Variants in MLLT10 observed in about 807,000 individuals in gnomAD.
MLLT10 encodes the protein protein AF-10.
Under a neutral mutation model 129.1 loss-of-function variants are expected in MLLT10, and 30 were observed. The ratio of observed to expected loss-of-function variants is 0.23; its 90% CI spans 0.17 to 0.32. MLLT10 has a LOEUF of 0.32. MLLT10 is among the 10% of genes least tolerant of loss of function. The probability of loss-of-function intolerance (pLI) is 1.00; values close to 1 mark genes in which losing one functional copy is unlikely to be tolerated. For missense variants in MLLT10, 1,119 were observed against 1,268.3 expected (o/e 0.88, Z 1.79); for synonymous variants, 490 against 446.4 (o/e 1.10, Z -1.23).
chr10:21,737,887 A>AAT, intron 21 of MLLT10, among the ~76,000 whole-genome samples: 1 of 152,334 alleles, frequency 6.6e-6, no homozygotes, highest in East Asian at 1.9e-4. Flanking sequence ...TGCAGTCAAA[A>AAT]ATATATTGAA....
At chr10:21,678,928 A>G (rs2052464697) in intron 11 of MLLT10, among the ~76,000 whole-genome samples, 1 of 152,226 alleles carries the variant, frequency 6.6e-6, no homozygotes, top group Non-Finnish European at 1.5e-5. Context: ...AAGCAGGAGT[A>G]GAGTCAGGTT....
chr10:21,630,296 T>C (rs1031085463), intron 8 of MLLT10, among the ~76,000 whole-genome samples: 2 of 152,216 alleles, frequency 1.3e-5, no homozygotes, highest in Non-Finnish European at 2.9e-5. Flanking sequence ...TATTGGAGCA[T>C]GGGCCTAGAG....
intron 8 of MLLT10, among the ~76,000 whole-genome samples, chr10:21,627,273 C>T (rs2046551857): frequency 6.6e-6 from 1 of 152,102 alleles, no homozygotes; most frequent in Admixed American, 6.6e-5. Context: ...AATAACAATG[C>T]CTCTTTAGCC....
rs538816331 is a variant in MLLT10 at position 21,543,925 on chromosome 10, C to CT, written c.240+5019dup. On this transcript the variant is annotated intron_variant, in intron 3 of 22. Transcript: ENST00000307729. ...AGGGAATTGAATTAGTCTTATGAATCTTTTTTCTACTTTTGTCTGCATGCC... is the reference window on the plus strand; with the variant it reads ...AGGGAATTGAATTAGTCTTATGAATCTTTTTTTCTACTTTTGTCTGCATGCC... Among the ~76,000 whole-genome samples, 12 of 152,268 alleles carry CT rather than the reference C, an allele frequency of 7.9e-5. No individual in the cohort carries two copies. The South Asian group carries it at 2.5e-3, about 32-fold the overall frequency.
chr10:21,622,058 TAAC>T (rs2045915486), intron 8 of MLLT10, among the ~76,000 whole-genome samples: 2 of 152,174 alleles, frequency 1.3e-5, no homozygotes, highest in South Asian at 4.1e-4. Flanking sequence ...GGTTAGGTAC[TAAC>T]TGTAGTGCGA....
intron 8 of MLLT10, among the ~76,000 whole-genome samples, chr10:21,619,969 G>A (rs1038903895): frequency 1.3e-4 from 18 of 143,558 alleles, no homozygotes; most frequent in Middle Eastern, 3.7e-3. Context: ...CTGGAGTGTC[G>A]CCCAGGCTGG....
chr10:21,641,992 C>CT (rs1429162239), intron 8 of MLLT10, among the ~76,000 whole-genome samples: 1 of 152,160 alleles, frequency 6.6e-6, no homozygotes, highest in Non-Finnish European at 1.5e-5. Flanking sequence ...GGATCATGGT[C>CT]TAACACTTGA....
At chr10:21,591,038 TTTTTTG>T (rs941788261) in intron 4 of MLLT10, among the ~76,000 whole-genome samples, 17 of 152,226 alleles carry the variant, frequency 1.1e-4, no homozygotes, top group South Asian at 4.2e-4. Context: ...CAAGTTGTGT[TTTTTTG>T]TTTTTGTTTT....
chr10:21,712,075 G>C (rs111354343), intron 13 of MLLT10, among the ~76,000 whole-genome samples: 2 of 152,140 alleles, frequency 1.3e-5, no homozygotes, highest in African/African-American at 2.4e-5. Context: ...TGGAGAAATT[G>C]TAGATATAAA....
intron 8 of MLLT10, among the ~76,000 whole-genome samples, chr10:21,645,424 G>C (rs2048382906): frequency 6.6e-6 from 1 of 152,076 alleles, no homozygotes; most frequent in Non-Finnish European, 1.5e-5. Context: ...TATTTGTAAT[G>C]ATATTTTGTG....
At chr10:21,658,457 CA>C (rs2049831914) in intron 9 of MLLT10, among the ~76,000 whole-genome samples, 1 of 152,172 alleles carries the variant, frequency 6.6e-6, no homozygotes, top group African/African-American at 2.4e-5. Flanking sequence ...TGGCTAACCA[CA>C]ATTGTGTGTA....
chr10:21,604,771 G>C (rs1406306422), intron 5 of MLLT10, among the ~76,000 whole-genome samples: 1 of 152,056 alleles, frequency 6.6e-6, no homozygotes, highest in Non-Finnish European at 1.5e-5. Context: ...TCAGTTCTGA[G>C]ACTTGAAAAT....
chr10:21,717,797 T>G (rs527243319), intron 14 of MLLT10, among the ~76,000 whole-genome samples: 1 of 141,238 alleles, frequency 7.1e-6, no homozygotes, highest in Admixed American at 7.0e-5. Flanking sequence ...CTTCTTCTTC[T>G]TCTCCTTCTT....
chr10:21,727,968 C>T, intron 16 of MLLT10, 40 bp downstream of exon 16: 11 of 1,571,248 alleles, frequency 7.0e-6, no homozygotes, highest in Non-Finnish European at 9.6e-6. Context: ...GCAAAGGAAA[C>T]GTTTGAGATT....
intron 3 of MLLT10, among the ~76,000 whole-genome samples, chr10:21,560,081 C>G (rs1370277560): frequency 6.6e-6 from 1 of 152,138 alleles, no homozygotes; most frequent in Non-Finnish European, 1.5e-5. Context: ...TCTTGGCTCA[C>G]TGCATCCTCC....
In MLLT10 at chr10:21,662,018, T is replaced by C. The variant is rs751275747; in HGVS notation, c.796-8431T>C. Among the ~76,000 whole-genome samples the C allele has an allele frequency of 1.5e-3, 224 of 152,162 alleles. 1 individual carries two copies. Among genetic ancestry groups the C allele is most frequent in the Non-Finnish European group, 2.2e-3 (149 of 68,036 alleles). ...TGATTGCATTTTCTTGTCTTTTTTT[T>C]CACCCTCTCATCACACTTTAAGTGT... is the stretch of plus-strand genomic sequence containing the variant. On this transcript the variant is annotated intron_variant, in intron 9 of 22. Transcript: ENST00000307729.
chr10:21,584,750 G>A (rs1404108814), intron 3 of MLLT10, among the ~76,000 whole-genome samples: 1 of 151,340 alleles, frequency 6.6e-6, no homozygotes. Flanking sequence ...TATATATAGT[G>A]TGTGTATATA....
chr10:21,741,199 G>A (rs746561458), intron 22 of MLLT10, among the ~76,000 whole-genome samples: 13 of 152,092 alleles, frequency 8.5e-5, no homozygotes, highest in Non-Finnish European at 8.8e-5. Flanking sequence ...ATCACACACC[G>A]CATTACCTCT....
In MLLT10 at chr10:21,586,321, G is replaced by GGA. The variant is rs2041981881; in HGVS notation, c.270_271dup (p.Ala91GlufsTer3). On this transcript the variant is annotated frameshift_variant, in exon 4 of 23. Transcript: ENST00000307729. LOFTEE classifies it high-confidence loss of function. ...ATGTGAACTTTGTCCCCATAAGGAT[G>GGA]GAGCTTTAAAAAGAACAGATAATGG... is the stretch of plus-strand genomic sequence containing the variant. 6.3e-7 allele frequency: 1 copy of GGA among 1,581,742 alleles called. No individual in the cohort carries two copies. Among genetic ancestry groups the GGA allele is most frequent in the Non-Finnish European group, 8.6e-7 (1 of 1,163,806 alleles).
Sources: allele counts gnomAD v4.1 joint callset (sites outside exome capture counted in the v4.1 genomes callset), GRCh38; gene constraint gnomAD v4.1.1; transcripts MANE v1.5; gene names NCBI Gene and HGNC (gene_info 2026-07-23, HGNC 2026-07-21).